PKP4: variants seen among roughly 807,000 people sequenced by gnomAD.
The protein encoded by PKP4 is plakophilin-4.
Under a neutral mutation model 145.1 loss-of-function variants are expected in PKP4, and 90 were observed. That is an observed-to-expected ratio of 0.62 (90% confidence interval 0.52 to 0.74). PKP4 has a LOEUF of 0.74. Ranked by LOEUF, PKP4 falls within the 30% of genes least tolerant of loss-of-function variation. The pLI is 0.00. For synonymous variants in PKP4, 563 were observed against 577.2 expected (o/e 0.98, Z 0.35); for missense variants, 1,340 against 1,482.7 (o/e 0.90, Z 1.58).
chr2:158,531,309 T>G (rs2043523748), intron 1 of PKP4, among the ~76,000 whole-genome samples: 1 of 152,218 alleles, frequency 6.6e-6, no homozygotes, highest in African/African-American at 2.4e-5. Flanking sequence ...ACACATTGGT[T>G]GTTTCATATT....
At chr2:158,587,523 G>A (rs934929036) in intron 3 of PKP4, among the ~76,000 whole-genome samples, 4 of 151,890 alleles carry the variant, frequency 2.6e-5, no homozygotes, top group Admixed American at 1.3e-4. Context: ...GAACAGATTT[G>A]CCTTCGCTGC....
At chr2:158,549,138 G>A (rs2045357678) in intron 2 of PKP4, 1 of 201,674 alleles carries the variant, frequency 5.0e-6, no homozygotes. Flanking sequence ...TCACTGGGGA[G>A]GCAGTGTCCT....
chr2:158,676,295 G>A (rs1457324317), intron 19 of PKP4, among the ~76,000 whole-genome samples: 2 of 152,248 alleles, frequency 1.3e-5, no homozygotes, highest in Non-Finnish European at 2.9e-5. Context: ...TGGCTGAAGA[G>A]CTATACATAA....
chr2:158,459,966 G>A (rs183956686), intron 1 of PKP4, among the ~76,000 whole-genome samples: 69 of 152,270 alleles, frequency 4.5e-4, no homozygotes, highest in Non-Finnish European at 6.5e-4. Context: ...AACCGAAATT[G>A]TATTTTGACC....
At chr2:158,516,630 T>C (rs906465084) in intron 1 of PKP4, among the ~76,000 whole-genome samples, 8 of 151,428 alleles carry the variant, frequency 5.3e-5, no homozygotes, top group Non-Finnish European at 1.2e-4. Flanking sequence ...CTAGGTAAGA[T>C]AGCAAGTACA....
intron 3 of PKP4, among the ~76,000 whole-genome samples, chr2:158,584,640 A>G (rs1185462181): frequency 6.6e-6 from 1 of 152,124 alleles, no homozygotes; most frequent in Non-Finnish European, 1.5e-5. Flanking sequence ...TGGCCAACAT[A>G]GTGAGACCCT....
At chr2:158,672,854 A>C (rs2057687186) in intron 17 of PKP4, among the ~76,000 whole-genome samples, 1 of 152,020 alleles carries the variant, frequency 6.6e-6, no homozygotes. Flanking sequence ...AAGATAACGG[A>C]GTAGAAGAGA....
intron 8 of PKP4, 38 bp downstream of exon 8, chr2:158,631,979 T>G (rs1361839916): frequency 1.3e-6 from 2 of 1,572,074 alleles, no homozygotes; most frequent in African/African-American, 2.7e-5. Flanking sequence ...CCTGATTTCA[T>G]AGGCCCCACA....
intron 17 of PKP4, among the ~76,000 whole-genome samples, chr2:158,672,755 G>A (rs1265395040): frequency 6.6e-6 from 1 of 152,190 alleles, no homozygotes; most frequent in African/African-American, 2.4e-5. Flanking sequence ...AGAATCATTA[G>A]CAACCCATGT....
At chr2:158,528,999 TAG>T (rs1318794256) in intron 1 of PKP4, among the ~76,000 whole-genome samples, 1 of 152,208 alleles carries the variant, frequency 6.6e-6, no homozygotes, top group Admixed American at 6.5e-5. Flanking sequence ...CCTCAAGATT[TAG>T]AGTTTCCTGT....
intron 1 of PKP4, among the ~76,000 whole-genome samples, chr2:158,472,902 T>C (rs1691824811): frequency 6.6e-6 from 1 of 152,162 alleles, no homozygotes; most frequent in Non-Finnish European, 1.5e-5. Flanking sequence ...GAGAAAATAT[T>C]TGCAAACTAT....
intron 2 of PKP4, among the ~76,000 whole-genome samples, chr2:158,536,774 C>G (rs1248248016): frequency 6.6e-6 from 1 of 152,200 alleles, no homozygotes. Flanking sequence ...ACAGAAAAAT[C>G]CTTGCTCCTT....
chr2:158,556,890 T>C (rs369381257), intron 2 of PKP4, among the ~76,000 whole-genome samples: 17 of 152,316 alleles, frequency 1.1e-4, no homozygotes, highest in African/African-American at 3.6e-4. Flanking sequence ...CTTAGGCTTA[T>C]ATTATTTTTA....
At chr2:158,577,744 A>G (rs2047979594) in intron 3 of PKP4, among the ~76,000 whole-genome samples, 1 of 152,182 alleles carries the variant, frequency 6.6e-6, no homozygotes, top group Admixed American at 6.5e-5. Context: ...ACTAAGAAAT[A>G]TTTCTAAATA....
intron 1 of PKP4, among the ~76,000 whole-genome samples, chr2:158,483,496 CATTA>C (rs1693681675): frequency 6.6e-6 from 1 of 151,852 alleles, no homozygotes; most frequent in African/African-American, 2.4e-5. Context: ...GACAGCTGGT[CATTA>C]ATTAACTCTA....
At chr2:158,550,880 C>A (rs1000605506) in intron 2 of PKP4, among the ~76,000 whole-genome samples, 1 of 152,154 alleles carries the variant, frequency 6.6e-6, no homozygotes, top group African/African-American at 2.4e-5. Context: ...ATGTGGTGCC[C>A]TTCCGGGAAT....
At chr2:158,567,249 A>G (rs1044501219) in intron 2 of PKP4, among the ~76,000 whole-genome samples, 1 of 152,210 alleles carries the variant, frequency 6.6e-6, no homozygotes, top group African/African-American at 2.4e-5. Flanking sequence ...AGGGCTGGAT[A>G]AAGAACTGTA....
chr2:158,558,437 T>C (rs1453955865), intron 2 of PKP4, among the ~76,000 whole-genome samples: 1 of 151,950 alleles, frequency 6.6e-6, no homozygotes, highest in African/African-American at 2.4e-5. Context: ...GAAGGTGATA[T>C]CTGTGAAGCC....
In PKP4 at chr2:158,661,362, G is replaced by A. The variant is rs1054707191; in HGVS notation, c.2123G>A (p.Arg708Gln). The change falls in exon 13 of 22, where the codon CGG becomes CAG. Residue 708 changes from arginine to glutamine, a missense_variant. Transcript: ENST00000389759. ...CTCAGCTCCGCGGGGGAAGAAGCTC[G>A]GAAGCAAATGCGGTCCTGCGAGGGG... Reference protein sequence around the residue: ...RNLSSAGEEARKQMRSCEGLV... With the variant: ...RNLSSAGEEAQKQMRSCEGLV... The A allele has an allele frequency of 4.3e-6, 7 of 1,613,718 alleles. No homozygotes were observed. Among genetic ancestry groups the A allele is most frequent in the Non-Finnish European group, 5.9e-6 (7 of 1,179,804 alleles).
Sources: gnomAD v4.1 joint callset for allele counts (sites outside exome capture counted in the v4.1 genomes callset) on GRCh38, gnomAD v4.1.1 for gene constraint, MANE v1.5 for transcripts, NCBI Gene and HGNC (gene_info 2026-07-23, HGNC 2026-07-21) for gene names.